The following DRC11 variants were observed in gnomAD, a reference collection of about 807,000 sequenced individuals.
The protein encoded by DRC11 is IQ and AAA domain-containing protein 1.
At chr2:236,307,689 C>T in the DRC11 span, among the ~76,000 whole-genome samples, 292 of 152,264 alleles carry the variant, frequency 1.9e-3, no homozygotes, top group South Asian at 7.9e-3. This position sits in a 1 kb window ranked among gnomAD's most constrained non-coding sequence, Gnocchi z 7.0. Context: ...CAGCAACATT[C>T]TATGGAGCTG....
chr2:236,357,313 A>C, the DRC11 span, among the ~76,000 whole-genome samples: 2 of 116,596 alleles, frequency 1.7e-5, no homozygotes, highest in Non-Finnish European at 3.2e-5. Flanking sequence ...ATATAGATCT[A>C]TATATTATAT....
At chr2:236,331,504 TG>T in the DRC11 span, 4 of 1,614,026 alleles carry the variant, frequency 2.5e-6, no homozygotes, top group Non-Finnish European at 3.4e-6. This position sits in a 1 kb window ranked among gnomAD's most constrained non-coding sequence, Gnocchi z 4.8. Context: ...TATATGTCCT[TG>T]GGTGAAGCCG....
At chr2:236,355,751 G>C in the DRC11 span, among the ~76,000 whole-genome samples, 884 of 102,298 alleles carry the variant, frequency 8.6e-3, 4 homozygotes, top group African/African-American at 0.013. Context: ...CTCTCTCTCT[G>C]TGTGTGTGTG....
At chr2:236,363,008 C>T in the DRC11 span, among the ~76,000 whole-genome samples, 1 of 152,192 alleles carries the variant, frequency 6.6e-6, no homozygotes, top group Non-Finnish European at 1.5e-5. This position sits in a 1 kb window ranked among gnomAD's most constrained non-coding sequence, Gnocchi z 5.6. Flanking sequence ...TCATGCTTTA[C>T]AGCCCCTTAG....
the DRC11 span, among the ~76,000 whole-genome samples, chr2:236,311,703 T>C: frequency 9.7e-4 from 145 of 149,470 alleles, no homozygotes; most frequent in African/African-American, 3.6e-3. This position sits in a 1 kb window ranked among gnomAD's most constrained non-coding sequence, Gnocchi z 6.9. Context: ...GGTGCGTGTG[T>C]GTGTGTGTGT....
chr2:236,495,517 G>A, the DRC11 span, among the ~76,000 whole-genome samples: 1 of 152,152 alleles, frequency 6.6e-6, no homozygotes, highest in Non-Finnish European at 1.5e-5. The surrounding 1 kb of genome is among the most constrained non-coding windows in gnomAD (Gnocchi z 5.6). Context: ...AACTTCTGGT[G>A]GTAGAGAAAG....
chr2:236,474,237 G>A, the DRC11 span, among the ~76,000 whole-genome samples: 2 of 151,982 alleles, frequency 1.3e-5, no homozygotes, highest in African/African-American at 4.8e-5. Flanking sequence ...ACTGAAGAAA[G>A]TCACATTGAA....
chr2:236,400,087 C>A, the DRC11 span, among the ~76,000 whole-genome samples: 1 of 152,176 alleles, frequency 6.6e-6, no homozygotes, highest in South Asian at 2.1e-4. The surrounding 1 kb of genome is among the most constrained non-coding windows in gnomAD (Gnocchi z 7.9). Context: ...AGTCCATCTG[C>A]CTCCCTCCTC....
At chr2:236,507,154 G>A in the DRC11 span, 3 of 1,215,620 alleles carry the variant, frequency 2.5e-6, no homozygotes, top group South Asian at 1.3e-5. Flanking sequence ...TGAGAGGGGA[G>A]GAGAAAAGAA....
At chr2:236,416,817 G>C in the DRC11 span, among the ~76,000 whole-genome samples, 1 of 142,958 alleles carries the variant, frequency 7.0e-6, no homozygotes, top group Non-Finnish European at 1.5e-5. Flanking sequence ...CTGGAGTGCA[G>C]TGGCACATTA....
the DRC11 span, among the ~76,000 whole-genome samples, chr2:236,503,404 T>C: frequency 6.6e-6 from 1 of 152,184 alleles, no homozygotes; most frequent in Non-Finnish European, 1.5e-5. The surrounding 1 kb of genome is among the most constrained non-coding windows in gnomAD (Gnocchi z 4.9). Flanking sequence ...TTGGCTTCAG[T>C]TGGGTCAGAG....
At chr2:236,493,105 A>G in the DRC11 span, among the ~76,000 whole-genome samples, 2 of 152,340 alleles carry the variant, frequency 1.3e-5, no homozygotes, top group South Asian at 4.2e-4. Context: ...CCTCACAATC[A>G]TGGCAGAAGG....
At chr2:236,486,067 G>GCC in the DRC11 span, among the ~76,000 whole-genome samples, 1 of 152,200 alleles carries the variant, frequency 6.6e-6, no homozygotes, top group Non-Finnish European at 1.5e-5. The surrounding 1 kb of genome is among the most constrained non-coding windows in gnomAD (Gnocchi z 5.7). Context: ...ATTCTGAGCA[G>GCC]CCCCCCTCTC....
At chr2:236,399,550 G>T in the DRC11 span, 2 of 1,360,786 alleles carry the variant, frequency 1.5e-6, no homozygotes, top group African/African-American at 1.4e-5. This position sits in a 1 kb window ranked among gnomAD's most constrained non-coding sequence, Gnocchi z 7.0. Flanking sequence ...AGACGCAGAC[G>T]CTGTGATAAC....
At chr2:236,474,133 T>A in the DRC11 span, among the ~76,000 whole-genome samples, 1 of 152,166 alleles carries the variant, frequency 6.6e-6, no homozygotes, top group East Asian at 1.9e-4. Flanking sequence ...GAAGACAACA[T>A]TCTTTTAAAA....
At chr2:236,492,819 C>T in the DRC11 span, among the ~76,000 whole-genome samples, 2 of 152,216 alleles carry the variant, frequency 1.3e-5, no homozygotes, top group Non-Finnish European at 1.5e-5. Flanking sequence ...GAGAGTCAGG[C>T]TAAGACAGCT....
At chr2:236,358,947 C>T in the DRC11 span, among the ~76,000 whole-genome samples, 9 of 150,996 alleles carry the variant, frequency 6.0e-5, no homozygotes, top group African/African-American at 2.0e-4. Flanking sequence ...CCTGGGCCAG[C>T]GGGTCTGCTG....
At chr2:236,485,120 T>A in the DRC11 span, among the ~76,000 whole-genome samples, 3 of 152,152 alleles carry the variant, frequency 2.0e-5, no homozygotes, top group Non-Finnish European at 2.9e-5. Context: ...CCTAGACAGT[T>A]TTCTCTCTTC....
the DRC11 span, among the ~76,000 whole-genome samples, chr2:236,326,851 A>G: frequency 6.9e-6 from 1 of 144,186 alleles, no homozygotes; most frequent in Non-Finnish European, 1.5e-5. Flanking sequence ...TTTGAGATGG[A>G]GTCTTGCTCA....
Sources: allele counts gnomAD v4.1 joint callset (sites outside exome capture counted in the v4.1 genomes callset), GRCh38; gene constraint gnomAD v4.1.1; non-coding constraint Gnocchi (gnomAD v3.1); transcripts MANE v1.5; gene names NCBI Gene and HGNC (gene_info 2026-07-23, HGNC 2026-07-21).